The following DOCK1 variants were observed in gnomAD, a reference collection of about 807,000 sequenced individuals.
The protein encoded by DOCK1 is dedicator of cytokinesis 1.
A neutral mutation model predicts 262.7 loss-of-function variants in DOCK1; 138 were observed. That is an observed-to-expected ratio of 0.53 (90% CI 0.46 to 0.61). The LOEUF (loss-of-function observed/expected upper bound fraction) is 0.61. DOCK1 is among the 20% of genes least tolerant of loss of function. The pLI, the probability that DOCK1 is intolerant of heterozygous loss-of-function variation, is 0.00. For synonymous variants in DOCK1, 866 were observed against 867.4 expected (o/e 1.00, Z 0.03); for missense variants, 1,908 against 2,370.7 (o/e 0.80, Z 4.05).
intron 33 of DOCK1, among the ~76,000 whole-genome samples, chr10:127,368,526 C>G (rs893491002): frequency 3.3e-5 from 5 of 152,094 alleles, no homozygotes; most frequent in African/African-American, 1.2e-4. Context: ...GCATGCTTAC[C>G]CCTAAACTCA....
intron 27 of DOCK1, among the ~76,000 whole-genome samples, chr10:127,244,862 G>C (rs2059379080): frequency 6.6e-6 from 1 of 152,182 alleles, no homozygotes; most frequent in Non-Finnish European, 1.5e-5. Flanking sequence ...CTACCTGCTA[G>C]CCTACCCATT....
chr10:127,418,208 A>C (rs80314462), intron 44 of DOCK1, among the ~76,000 whole-genome samples, 157 bp from the exon 45 acceptor site: 8,047 of 150,334 alleles, frequency 0.054, 278 homozygotes, highest in Non-Finnish European at 0.073. Context: ...GGGAACAAAC[A>C]ATAATAATAA....
chr10:126,985,709 G>C (rs1197632066), intron 4 of DOCK1, among the ~76,000 whole-genome samples: 1 of 152,162 alleles, frequency 6.6e-6, no homozygotes, highest in East Asian at 1.9e-4. Context: ...AGACTTTATA[G>C]GGATGACACC....
intron 10 of DOCK1, among the ~76,000 whole-genome samples, chr10:127,004,339 TGAGACATTTCA>T (rs1180719890): frequency 6.6e-6 from 1 of 152,122 alleles, no homozygotes; most frequent in Non-Finnish European, 1.5e-5. Context: ...AACTCTTCTC[TGAGACATTTCA>T]TTATGTGATC....
At chr10:127,250,515 G>T (rs1443038639) in intron 28 of DOCK1, among the ~76,000 whole-genome samples, 1 of 152,138 alleles carries the variant, frequency 6.6e-6, no homozygotes, top group African/African-American at 2.4e-5. Context: ...TGTTGGCCGG[G>T]CGTGGTGGCT....
chr10:126,906,545 G>C (rs1299862335), intron 1 of DOCK1, among the ~76,000 whole-genome samples: 1 of 152,146 alleles, frequency 6.6e-6, no homozygotes, highest in Non-Finnish European at 1.5e-5. Flanking sequence ...ATCCTTGACC[G>C]CCTGCCTCAT....
chr10:127,022,219 G>A (rs1405760346), intron 13 of DOCK1, among the ~76,000 whole-genome samples: 3 of 151,864 alleles, frequency 2.0e-5, no homozygotes, highest in Admixed American at 1.3e-4. Context: ...GTCCCCATTC[G>A]GGATCCTGAT....
At chr10:126,908,174 G>A (rs1348491981) in intron 1 of DOCK1, among the ~76,000 whole-genome samples, 1 of 152,204 alleles carries the variant, frequency 6.6e-6, no homozygotes. Context: ...GGCCATCCCA[G>A]GCTCCCCACT....
chr10:127,256,899 A>G (rs536314005), intron 28 of DOCK1, among the ~76,000 whole-genome samples: 1 of 152,326 alleles, frequency 6.6e-6, no homozygotes, highest in Non-Finnish European at 1.5e-5. Flanking sequence ...GAAATTCCGT[A>G]AGAGAAAGGA....
chr10:127,122,429 G>T lies in DOCK1; in HGVS notation c.2624-3045G>T, dbSNP rs1338280692. On this transcript the variant is annotated intron_variant, in intron 25 of 51. Transcript: ENST00000623213. Reference sequence around the variant, plus strand: ...GGTCGGGGTGGAGTTTCCTGATGCTGATGGTGCCGGGGGAGACCTCTCACT... The same window carrying T: ...GGTCGGGGTGGAGTTTCCTGATGCTTATGGTGCCGGGGGAGACCTCTCACT... Among the ~76,000 whole-genome samples, 3 of 152,132 alleles carry T rather than the reference G, an allele frequency of 2.0e-5. No homozygotes were observed. In the East Asian group the frequency reaches 5.8e-4, roughly 29 times the overall value.
intron 24 of DOCK1, among the ~76,000 whole-genome samples, chr10:127,109,591 T>G (rs139266851): frequency 6.6e-6 from 1 of 152,262 alleles, no homozygotes; most frequent in East Asian, 1.9e-4. Flanking sequence ...CTCTACACAT[T>G]TGTGTTTTCT....
intron 47 of DOCK1, among the ~76,000 whole-genome samples, chr10:127,429,363 C>T (rs930696289): frequency 1.3e-5 from 2 of 152,070 alleles, no homozygotes; most frequent in Non-Finnish European, 2.9e-5. Context: ...ACTGGCAGGT[C>T]CCCTTGTCCT....
intron 27 of DOCK1, among the ~76,000 whole-genome samples, chr10:127,158,292 T>G (rs1215110272): frequency 6.6e-6 from 1 of 152,116 alleles, no homozygotes; most frequent in Non-Finnish European, 1.5e-5. Flanking sequence ...CCTAAAAACT[T>G]TAAACTGCTA....
At chr10:127,120,477 G>A (rs904068698) in intron 25 of DOCK1, among the ~76,000 whole-genome samples, 7 of 152,284 alleles carry the variant, frequency 4.6e-5, no homozygotes, top group South Asian at 4.2e-4. Context: ...TCACTGCAAC[G>A]TGAATTCTCT....
rs570237395 is a variant in DOCK1, at chr10:127,430,768, G to A, written c.4915-2515G>A. 2.2e-3 allele frequency among the ~76,000 whole-genome samples: 329 copies of A among 152,288 alleles called. 1 individual carries two copies. The highest frequency in any genetic ancestry group is 0.014 in the Middle Eastern group (4 of 294). On this transcript the variant is annotated intron_variant, in intron 47 of 51. Coordinates refer to ENST00000623213, the MANE Select transcript of DOCK1 (RefSeq NM_001290223.2). ...CCTTCCTTGTACAGCACTGGTCCCT[G>A]TGATTAAGTTCAGCCAACCCCTTCA...
At chr10:127,040,940 A>G (rs572877270) in intron 19 of DOCK1, among the ~76,000 whole-genome samples, 7 of 151,580 alleles carry the variant, frequency 4.6e-5, no homozygotes, top group South Asian at 4.2e-4. Flanking sequence ...TCCTGTAACC[A>G]CTAATCTGCT....
Position 126,998,184 on chromosome 10 carries a change from T to C in DOCK1, c.702T>C (p.Cys234=). 1.2e-6 allele frequency: 2 copies of C among 1,614,042 alleles called. No homozygotes were observed. Among genetic ancestry groups the C allele is most frequent in the Non-Finnish European group, 1.7e-6 (2 of 1,179,900 alleles). ...ALFVNLKNVV[C]KIGEDAEVLM... is the part of the protein sequence containing the mutation. ...TTGTGAACCTCAAAAATGTGGTTTG[T>C]AAAATAGGAGAAGATGCTGAAGTCC... The change falls in exon 8 of 52, where the codon TGT becomes TGC. Residue 234 remains cysteine, a synonymous_variant. Coordinates refer to ENST00000623213, the MANE Select transcript of DOCK1 (RefSeq NM_001290223.2).
At chr10:127,265,928 G>T (rs1165497191) in intron 29 of DOCK1, among the ~76,000 whole-genome samples, 1 of 152,226 alleles carries the variant, frequency 6.6e-6, no homozygotes, top group Non-Finnish European at 1.5e-5. Context: ...TAGGCTGTTT[G>T]TAGGTACTTT....
At chr10:126,986,874 C>CA in intron 4 of DOCK1, among the ~76,000 whole-genome samples, 1 of 152,268 alleles carries the variant, frequency 6.6e-6, no homozygotes, top group South Asian at 2.1e-4. Context: ...TGCACCACTG[C>CA]ACTCCAGCCT....
Sources: gnomAD v4.1 joint callset for allele counts (sites outside exome capture counted in the v4.1 genomes callset) on GRCh38, gnomAD v4.1.1 for gene constraint, MANE v1.5 for transcripts, NCBI Gene and HGNC (gene_info 2026-07-23, HGNC 2026-07-21) for gene names.